Variants in MEGF11 observed in about 807,000 individuals in gnomAD.
MEGF11 encodes multiple epidermal growth factor-like domains protein 11.
A neutral mutation model predicts 146.6 loss-of-function variants in MEGF11; 126 were observed. The ratio of observed to expected loss-of-function variants is 0.86; its 90% CI spans 0.74 to 1.00. The LOEUF (loss-of-function observed/expected upper bound fraction) is 1.00. Ranked by LOEUF, MEGF11 falls within the 50% of genes least tolerant of loss-of-function variation. The pLI is 0.00. For missense variants in MEGF11, 1,509 were observed against 1,521.2 expected, an observed-to-expected ratio of 0.99 and a Z score of 0.13; for synonymous variants, 532 against 583.4, an observed-to-expected ratio of 0.91 and a Z score of 1.27.
At chr15:66,196,282 G>T (rs1477029664) in intron 1 of MEGF11, among the ~76,000 whole-genome samples, 1 of 152,064 alleles carries the variant, frequency 6.6e-6, no homozygotes, top group Non-Finnish European at 1.5e-5. Context: ...GTCCAGCCTG[G>T]CCAACATGCA....
intron 24 of MEGF11, chr15:65,901,718 T>C (rs564235641): frequency 3.3e-5 from 5 of 152,220 alleles, no homozygotes; most frequent in Admixed American, 6.5e-5. Flanking sequence ...AGAAAAGCTA[T>C]TGCAGCTGCC....
intron 5 of MEGF11, among the ~76,000 whole-genome samples, chr15:66,010,966 C>T (rs1426970155): frequency 6.6e-6 from 1 of 152,118 alleles, no homozygotes; most frequent in Non-Finnish European, 1.5e-5. Context: ...AGGGAATTGC[C>T]CAGCTAGAGC....
intron 24 of MEGF11, among the ~76,000 whole-genome samples, chr15:65,900,276 G>A (rs1488612591): frequency 6.6e-6 from 1 of 152,208 alleles, no homozygotes; most frequent in East Asian, 1.9e-4. Flanking sequence ...ATTTTGGGCT[G>A]CTATTTATGC....
At chr15:66,088,113 C>T (rs1448677443) in intron 5 of MEGF11, among the ~76,000 whole-genome samples, 1 of 152,146 alleles carries the variant, frequency 6.6e-6, no homozygotes, top group Non-Finnish European at 1.5e-5. Context: ...ACAACCCTTC[C>T]AGTTTAAATC....
In MEGF11 at chr15:66,137,471, T is replaced by C. The variant is rs141061210; in HGVS notation, c.-8-9060A>G. Among the ~76,000 whole-genome samples the C allele has an allele frequency of 6.6e-4, 101 of 152,032 alleles. No homozygotes were observed. The Middle Eastern group carries it at 0.01, about 15-fold the overall frequency. The stretch of plus-strand genomic sequence containing the variant: ...GCATACGGTGTGCGTGTGCCAACAG[T>C]GAGGGAGGAAGGACAGGAAGATGCT... On this transcript the variant is annotated intron_variant, in intron 1 of 25. Transcript: ENST00000395614.
intron 1 of MEGF11, among the ~76,000 whole-genome samples, chr15:66,253,044 C>G (rs775699848): frequency 3.9e-4 from 60 of 152,376 alleles, no homozygotes; most frequent in Admixed American, 1.0e-3. Context: ...CCTCCCTTCT[C>G]CCAAAAGCAA....
chr15:66,140,599 T>C (rs896674823), intron 1 of MEGF11, among the ~76,000 whole-genome samples: 10 of 152,138 alleles, frequency 6.6e-5, no homozygotes, highest in African/African-American at 2.4e-4. Context: ...AATTTCTAAA[T>C]TTGCCGTAAT....
In MEGF11 at chr15:65,982,449, C is replaced by T. The variant is rs751606643; in HGVS notation, c.434G>A (p.Arg145Gln). Residue 145 changes from arginine to glutamine, a missense_variant, in exon 6 of 26, where the codon CGG becomes CAG. Physicochemically the swap from Arg to Gln is conservative, Grantham distance 43. Coordinates refer to ENST00000395614, the MANE Select transcript of MEGF11 (RefSeq NM_001385028.1). The surrounding 1 kb of genome is among the most constrained non-coding windows in gnomAD (Gnocchi z 5.6). ...CAGGGCGCCGTTCTGGCACTGGCAC[C>T]GGTTGCTGCAGTGGGGCCCCCAGTG... Reference protein sequence around the residue: ...SDHWGPHCSNRCQCQNGALCN... With the variant: ...SDHWGPHCSNQCQCQNGALCN... 3.9e-5 allele frequency: 58 copies of T among 1,492,344 alleles called. No individual in the cohort carries two copies. The highest frequency in any genetic ancestry group is 4.9e-5 in the Non-Finnish European group (55 of 1,119,312). 92.4% of individuals were successfully genotyped at this position (1,492,344 alleles called of 1,614,324 possible). A position where few individuals can be genotyped will look rare whatever the true frequency, so the allele number is the denominator to read the frequency against.
chr15:66,063,901 C>CT (rs959023290), intron 5 of MEGF11, among the ~76,000 whole-genome samples: 1 of 152,172 alleles, frequency 6.6e-6, no homozygotes, highest in African/African-American at 2.4e-5. Context: ...ACTATCCTTA[C>CT]TTTTTTCTAA....
Position 65,951,114 on chromosome 15 carries a change from C to A in MEGF11, c.1287+6433G>T, listed in dbSNP as rs16949140. Reference sequence around the variant, plus strand: ...TGTTATTGTCCTTAGGGAGATAGAACCTGAGTATGAGCCACACACAGTGGA... The same window carrying A: ...TGTTATTGTCCTTAGGGAGATAGAAACTGAGTATGAGCCACACACAGTGGA... On this transcript the variant is annotated intron_variant, in intron 10 of 25. Transcript: ENST00000395614. 3.6e-3 allele frequency among the ~76,000 whole-genome samples: 548 copies of A among 152,226 alleles called. 2 individuals are homozygous for A. The highest frequency in any genetic ancestry group is 0.013 in the African/African-American group (526 of 41,516).
At chr15:65,936,645 C>T (rs952367042) in intron 10 of MEGF11, among the ~76,000 whole-genome samples, 9 of 152,142 alleles carry the variant, frequency 5.9e-5, no homozygotes, top group Admixed American at 2.6e-4. Flanking sequence ...ATACTCATGC[C>T]TACATCCAGG....
At chr15:65,911,140 G>T (rs886727584) in intron 21 of MEGF11, among the ~76,000 whole-genome samples, 3 of 152,228 alleles carry the variant, frequency 2.0e-5, no homozygotes, top group Non-Finnish European at 2.9e-5. Context: ...AGCTGTCAGG[G>T]AAGGTCCTGT....
intron 5 of MEGF11, among the ~76,000 whole-genome samples, chr15:66,041,039 T>C (rs1220151783): frequency 6.6e-6 from 1 of 152,030 alleles, no homozygotes; most frequent in Non-Finnish European, 1.5e-5. Context: ...CATAAATACC[T>C]GAATGAAAAT....
intron 10 of MEGF11, among the ~76,000 whole-genome samples, chr15:65,957,034 G>C (rs1176005196): frequency 1.3e-5 from 2 of 152,192 alleles, no homozygotes; most frequent in Non-Finnish European, 2.9e-5. Flanking sequence ...GGTGCGGTGA[G>C]GGAATGCTAT....
chr15:66,140,392 A>C (rs1026169264), intron 1 of MEGF11, among the ~76,000 whole-genome samples: 1 of 150,284 alleles, frequency 6.7e-6, no homozygotes, highest in Non-Finnish European at 1.5e-5. Context: ...TTATTCCTGG[A>C]GGCAAAATGG....
chr15:65,992,047 A>T (rs1052974392), intron 5 of MEGF11, among the ~76,000 whole-genome samples: 1 of 152,362 alleles, frequency 6.6e-6, no homozygotes, highest in South Asian at 2.1e-4. Context: ...CTGTCAGGCT[A>T]GAGACAAGGA....
At chr15:66,005,166 G>A (rs933908994) in intron 5 of MEGF11, among the ~76,000 whole-genome samples, 3 of 152,198 alleles carry the variant, frequency 2.0e-5, no homozygotes, top group Non-Finnish European at 4.4e-5. Context: ...GAAATGACAG[G>A]AGGGGATTCT....
chr15:65,937,856 C>T (rs2079844362), intron 10 of MEGF11, among the ~76,000 whole-genome samples: 1 of 152,258 alleles, frequency 6.6e-6, no homozygotes, highest in African/African-American at 2.4e-5. Context: ...ACAGGTAATA[C>T]AGGATTTCCT....
chr15:66,200,171 A>G (rs1403735067), intron 1 of MEGF11, among the ~76,000 whole-genome samples: 3 of 152,232 alleles, frequency 2.0e-5, no homozygotes, highest in African/African-American at 4.8e-5. Flanking sequence ...TGGTTCAACA[A>G]TTCTCCAGTG....
Sources: allele counts gnomAD v4.1 joint callset (sites outside exome capture counted in the v4.1 genomes callset), GRCh38; gene constraint gnomAD v4.1.1; non-coding constraint Gnocchi (gnomAD v3.1); transcripts MANE v1.5; gene names NCBI Gene and HGNC (gene_info 2026-07-23, HGNC 2026-07-21).